Variants in INPP4B observed in about 807,000 individuals in gnomAD.
The protein encoded by INPP4B is inositol polyphosphate-4-phosphatase type II B.
In INPP4B, 55 loss-of-function variants were observed where a neutral mutation model predicts 122.5. The observed-to-expected ratio is 0.45, with a 90% CI of 0.36 to 0.56. The LOEUF (loss-of-function observed/expected upper bound fraction) is 0.56, where lower values mean the gene tolerates loss of function less well. INPP4B is among the 20% of genes least tolerant of loss of function. INPP4B has a pLI of 0.00. For missense variants in INPP4B, 1,000 were observed against 1,097.7 expected, an observed-to-expected ratio of 0.91 and a Z score of 1.26; for synonymous variants, 403 against 388.7, an observed-to-expected ratio of 1.04 and a Z score of -0.43.
chr4:142,144,356 C>T (rs1361502895), intron 18 of INPP4B, among the ~76,000 whole-genome samples: 13 of 151,726 alleles, frequency 8.6e-5, no homozygotes, highest in Admixed American at 8.5e-4. Context: ...TCCAGTGTCC[C>T]TTATCTTATT....
chr4:142,212,821 C>T (rs974445595), intron 12 of INPP4B, among the ~76,000 whole-genome samples: 26 of 152,154 alleles, frequency 1.7e-4, no homozygotes, highest in African/African-American at 6.0e-4. Context: ...TAGGAAGGGC[C>T]TACCCTTAGT....
rs536958471 is a variant in INPP4B, at chr4:142,336,377, G to A, written c.373-21615C>T. Among the ~76,000 whole-genome samples the A allele has an allele frequency of 8.5e-5, 13 of 152,326 alleles. No individual in the cohort carries two copies. In the South Asian group the frequency reaches 2.3e-3, roughly 27 times the overall value. On this transcript the variant is annotated intron_variant, in intron 7 of 25. Transcript: ENST00000262992. ...GCTGCAGGCAGAGGGAGCAAAAAGA[G>A]CAGTCACACTTCTGGAGGCCCAGAC... is the stretch of plus-strand genomic sequence containing the variant.
chr4:142,837,059 GGGA>G (rs1163943024), intron 1 of INPP4B, among the ~76,000 whole-genome samples: 1 of 151,836 alleles, frequency 6.6e-6, no homozygotes, highest in African/African-American at 2.4e-5. Context: ...CCAGCTACTT[GGGA>G]GGAGAATCAC....
chr4:142,200,621 A>G (rs1247786331), intron 14 of INPP4B, among the ~76,000 whole-genome samples: 1 of 151,954 alleles, frequency 6.6e-6, no homozygotes, highest in Non-Finnish European at 1.5e-5. Context: ...CTTAAACAAC[A>G]CAATAAAAGT....
At chr4:142,211,992 C>T (rs1170104262) in intron 12 of INPP4B, among the ~76,000 whole-genome samples, 2 of 152,058 alleles carry the variant, frequency 1.3e-5, no homozygotes. Flanking sequence ...ATACCTGAGG[C>T]TCACCATTGA....
chr4:142,147,452 C>T (rs1157734769), intron 17 of INPP4B, among the ~76,000 whole-genome samples: 3 of 152,130 alleles, frequency 2.0e-5, no homozygotes, highest in African/African-American at 7.2e-5. Flanking sequence ...TCAAAGTTAG[C>T]ACAGGTAATT....
chr4:142,558,333 C>A (rs1729661057), intron 2 of INPP4B, among the ~76,000 whole-genome samples: 1 of 152,194 alleles, frequency 6.6e-6, no homozygotes, highest in African/African-American at 2.4e-5. Context: ...ATTTGTCCTG[C>A]ACCCAATTCC....
At chr4:142,253,153 C>A (rs969341542) in intron 11 of INPP4B, among the ~76,000 whole-genome samples, 4 of 152,030 alleles carry the variant, frequency 2.6e-5, no homozygotes, top group African/African-American at 9.7e-5. Flanking sequence ...AAATGGTACA[C>A]CTGTAAAGGG....
At chr4:142,307,912 G>A (rs937762447) in intron 8 of INPP4B, among the ~76,000 whole-genome samples, 1 of 151,942 alleles carries the variant, frequency 6.6e-6, no homozygotes, top group South Asian at 2.1e-4. Context: ...CAGTCTTTTT[G>A]GCAATAAAAG....
At position 142,178,813 on chromosome 4, in the gene INPP4B, T is replaced by C. The variant is rs117937220; in HGVS notation, c.1182-5004A>G. ...CTAGAACTATTTCCACTTGTTTTTT[T>C]CTAGCTCAAACCCTACTTGTAAAAA... On this transcript the variant is annotated intron_variant, in intron 15 of 25. Transcript: ENST00000262992. Among the ~76,000 whole-genome samples, 104 of 140,968 alleles carry C rather than the reference T, an allele frequency of 7.4e-4. 2 individuals are homozygous for C. The East Asian group carries it at 0.021, about 29-fold the overall frequency. The allele number at this position is 140,968 out of a possible 152,430, so 92.5% of individuals were successfully genotyped here.
At chr4:142,251,517 G>C (rs1259415094) in intron 11 of INPP4B, among the ~76,000 whole-genome samples, 1 of 152,112 alleles carries the variant, frequency 6.6e-6, no homozygotes, top group Non-Finnish European at 1.5e-5. Flanking sequence ...TAGGATGTAT[G>C]GTTGATTTAT....
chr4:142,781,227 A>G (rs966813299), intron 1 of INPP4B, among the ~76,000 whole-genome samples: 1 of 149,288 alleles, frequency 6.7e-6, no homozygotes, highest in Non-Finnish European at 1.5e-5. Context: ...CAAATCTCCT[A>G]TGAGGATGTA....
At chr4:142,656,309 G>A (rs186615667) in intron 2 of INPP4B, among the ~76,000 whole-genome samples, 76 of 152,268 alleles carry the variant, frequency 5.0e-4, no homozygotes, top group African/African-American at 1.5e-3. Flanking sequence ...TAAGAATCCC[G>A]TCTGTAGCAG....
chr4:142,373,849 A>T (rs1790821701), intron 7 of INPP4B, among the ~76,000 whole-genome samples: 1 of 152,022 alleles, frequency 6.6e-6, no homozygotes, highest in African/African-American at 2.4e-5. Context: ...GCAAACAAAC[A>T]AAAAGCAACT....
intron 7 of INPP4B, among the ~76,000 whole-genome samples, chr4:142,373,564 T>C (rs1790700973): frequency 6.6e-6 from 1 of 151,936 alleles, no homozygotes; most frequent in Non-Finnish European, 1.5e-5. Flanking sequence ...CACCTCTCTG[T>C]GCCTCAATTT....
At chr4:142,725,726 AT>A in intron 2 of INPP4B, 112 bp downstream of exon 2, 1 of 391,994 alleles carries the variant, frequency 2.6e-6, no homozygotes, top group Non-Finnish European at 4.5e-6. Context: ...TCAGATAATA[AT>A]TTACTTTTTT....
At chr4:142,556,620 G>A (rs947403354) in intron 2 of INPP4B, among the ~76,000 whole-genome samples, 2 of 152,252 alleles carry the variant, frequency 1.3e-5, no homozygotes, top group Non-Finnish European at 2.9e-5. Context: ...AGGTCAGAGA[G>A]AAAAAGACCA....
intron 2 of INPP4B, among the ~76,000 whole-genome samples, chr4:142,588,722 C>A (rs1736779581): frequency 6.6e-6 from 1 of 151,574 alleles, no homozygotes. Context: ...ATATCCCATG[C>A]TCATAGATTG....
chr4:142,133,145 T>C (rs1452051386), intron 18 of INPP4B, among the ~76,000 whole-genome samples: 2 of 152,206 alleles, frequency 1.3e-5, no homozygotes, highest in Non-Finnish European at 1.5e-5. Context: ...TTCTGACATA[T>C]CAACACTGAA....
Sources: gnomAD v4.1 joint callset for allele counts (sites outside exome capture counted in the v4.1 genomes callset) on GRCh38, gnomAD v4.1.1 for gene constraint, MANE v1.5 for transcripts, NCBI Gene and HGNC (gene_info 2026-07-23, HGNC 2026-07-21) for gene names.